The following ATRNL1 variants were observed in gnomAD, a reference collection of about 807,000 sequenced individuals.
The protein encoded by ATRNL1 is attractin like 1, also known as attractin-like protein 1.
Under a neutral mutation model 182.7 loss-of-function variants are expected in ATRNL1, and 95 were observed. That is an observed-to-expected ratio of 0.52 (90% CI 0.44 to 0.62). The LOEUF (loss-of-function observed/expected upper bound fraction) is 0.62, where lower values mean the gene tolerates loss of function less well. Among genes scored for constraint, ATRNL1 ranks in the 20% least tolerant of loss-of-function variants. The pLI, the probability that ATRNL1 is intolerant of heterozygous loss-of-function variation, is 0.00. For synonymous variants in ATRNL1, 576 were observed against 568.3 expected, an observed-to-expected ratio of 1.01 and a Z score of -0.19; for missense variants, 1,471 against 1,679.5, an observed-to-expected ratio of 0.88 and a Z score of 2.17.
At chr10:115,871,377 T>C (rs1410788501) in intron 28 of ATRNL1, among the ~76,000 whole-genome samples, 1 of 150,700 alleles carries the variant, frequency 6.6e-6, no homozygotes, top group Non-Finnish European at 1.5e-5. Flanking sequence ...TTCTCTTAGA[T>C]TCATCTGGAT....
chr10:115,587,095 G>A, intron 26 of ATRNL1, among the ~76,000 whole-genome samples: 1 of 149,232 alleles, frequency 6.7e-6, no homozygotes, highest in Non-Finnish European at 1.5e-5. Flanking sequence ...TTCACTTGAG[G>A]AGGCAGTCTG....
intron 20 of ATRNL1, among the ~76,000 whole-genome samples, chr10:115,412,434 C>T (rs1554960121): frequency 6.6e-6 from 1 of 152,110 alleles, no homozygotes; most frequent in Non-Finnish European, 1.5e-5. Flanking sequence ...AATCAGAGAA[C>T]CTGGTTATGC....
At chr10:115,162,381 G>A (rs140641715) in intron 6 of ATRNL1, among the ~76,000 whole-genome samples, 1 of 152,090 alleles carries the variant, frequency 6.6e-6, no homozygotes, top group Non-Finnish European at 1.5e-5. Context: ...TTATTTGTAG[G>A]CGCAGAAAAG....
chr10:115,191,945 T>C (rs565416797), intron 8 of ATRNL1, among the ~76,000 whole-genome samples: 47 of 152,202 alleles, frequency 3.1e-4, no homozygotes, highest in African/African-American at 7.7e-4. Flanking sequence ...AAAAATAAGA[T>C]CTTTTTTTCC....
intron 17 of ATRNL1, among the ~76,000 whole-genome samples, chr10:115,304,283 C>A (rs782064313): frequency 1.3e-5 from 2 of 152,180 alleles, no homozygotes; most frequent in Non-Finnish European, 2.9e-5. Flanking sequence ...ACTATCCCAG[C>A]AGCAATATTT....
intron 13 of ATRNL1, among the ~76,000 whole-genome samples, chr10:115,275,820 C>T (rs2133909649): frequency 6.6e-6 from 1 of 152,268 alleles, no homozygotes; most frequent in Non-Finnish European, 1.5e-5. Flanking sequence ...ACATTCCAAT[C>T]TCCCTAAGCC....
At chr10:115,138,001 G>A (rs1343819237) in intron 5 of ATRNL1, among the ~76,000 whole-genome samples, 2 of 152,210 alleles carry the variant, frequency 1.3e-5, no homozygotes, top group African/African-American at 2.4e-5. Flanking sequence ...CATTCCAAAT[G>A]GGAGAAATTG....
chr10:115,889,727 C>T (rs1336469260), intron 28 of ATRNL1, among the ~76,000 whole-genome samples: 1 of 152,130 alleles, frequency 6.6e-6, no homozygotes, highest in Non-Finnish European at 1.5e-5. Flanking sequence ...TTAACCACGA[C>T]ACCACATTGA....
chr10:115,236,643 C>T (rs982944542), intron 9 of ATRNL1, among the ~76,000 whole-genome samples: 6 of 152,062 alleles, frequency 3.9e-5, no homozygotes, highest in African/African-American at 1.4e-4. Flanking sequence ...GCAGAAAGTA[C>T]AGAATGTTTC....
chr10:115,345,063 G>T (rs533681115), intron 19 of ATRNL1, among the ~76,000 whole-genome samples: 1 of 152,220 alleles, frequency 6.6e-6, no homozygotes, highest in African/African-American at 2.4e-5. Flanking sequence ...GCAGTCTGGG[G>T]TTAGAGGAGA....
intron 28 of ATRNL1, among the ~76,000 whole-genome samples, chr10:115,889,962 T>G (rs1555110715): frequency 6.6e-6 from 1 of 152,172 alleles, no homozygotes; most frequent in African/African-American, 2.4e-5. Context: ...GGATAATGTT[T>G]CTGGTGTGTG....
intron 26 of ATRNL1, among the ~76,000 whole-genome samples, chr10:115,686,704 A>C (rs1305330266): frequency 6.6e-6 from 1 of 151,988 alleles, no homozygotes; most frequent in African/African-American, 2.4e-5. Flanking sequence ...TCATGTTTCA[A>C]ATGGGTCATT....
intron 26 of ATRNL1, among the ~76,000 whole-genome samples, chr10:115,639,285 T>C (rs1555029366): frequency 6.6e-6 from 1 of 152,194 alleles, no homozygotes; most frequent in Non-Finnish European, 1.5e-5. Context: ...GAATTCTGTG[T>C]TTAGAGAAAC....
intron 27 of ATRNL1, among the ~76,000 whole-genome samples, chr10:115,811,337 C>T (rs1404769761): frequency 6.6e-6 from 1 of 151,740 alleles, no homozygotes; most frequent in Non-Finnish European, 1.5e-5. Context: ...GAATATTACT[C>T]TATGGTTTTT....
rs1318707500 is a variant in ATRNL1, at chr10:115,700,311, TGTAA to T, written c.3796-26934_3796-26931del. ...CTAATTTACACTCCCAGCAACACTG[TGTAA>T]GTGTTTCTTTTTCTCTGCAGCCTCA... On this transcript the variant is annotated intron_variant, in intron 26 of 28. Transcript: ENST00000355044. Among the ~76,000 whole-genome samples the T allele has an allele frequency of 1.5e-4, 23 of 152,244 alleles. No homozygotes were observed. In the East Asian group the frequency reaches 4.1e-3, roughly 27 times the overall value.
chr10:115,496,378 T>G (rs1020920643), intron 24 of ATRNL1, among the ~76,000 whole-genome samples: 1 of 152,228 alleles, frequency 6.6e-6, no homozygotes, highest in Admixed American at 6.5e-5. Context: ...ATAAGGCAGG[T>G]AATGAATTCC....
chr10:115,831,749 G>T (rs1274164511), intron 27 of ATRNL1, among the ~76,000 whole-genome samples: 1 of 122,212 alleles, frequency 8.2e-6, no homozygotes, highest in Non-Finnish European at 1.7e-5. Context: ...TCACATAGTA[G>T]CTGCAAGAGT....
intron 18 of ATRNL1, among the ~76,000 whole-genome samples, chr10:115,325,709 C>G (rs1554932967): frequency 6.6e-6 from 1 of 152,056 alleles, no homozygotes; most frequent in African/African-American, 2.4e-5. Flanking sequence ...GGTTGAGTGG[C>G]ATTTTGCTAG....
intron 28 of ATRNL1, among the ~76,000 whole-genome samples, chr10:115,858,667 C>T (rs1334377468): frequency 2.6e-5 from 4 of 152,082 alleles, no homozygotes; most frequent in Non-Finnish European, 4.4e-5. Flanking sequence ...AACAAACCTG[C>T]ACATCTGCAC....
Sources: allele counts gnomAD v4.1 joint callset (sites outside exome capture counted in the v4.1 genomes callset), GRCh38; gene constraint gnomAD v4.1.1; transcripts MANE v1.5; gene names NCBI Gene and HGNC (gene_info 2026-07-23, HGNC 2026-07-21).